Variants in RALGPS2 observed in about 807,000 individuals in gnomAD.
RALGPS2 encodes the protein ras-specific guanine nucleotide-releasing factor RalGPS2.
Under a neutral mutation model 86.8 loss-of-function variants are expected in RALGPS2, and 43 were observed. The observed-to-expected ratio is 0.50, with a 90% confidence interval of 0.39 to 0.64. The LOEUF (loss-of-function observed/expected upper bound fraction) is 0.64, where lower values mean the gene tolerates loss of function less well. Among genes scored for constraint, RALGPS2 ranks in the 30% least tolerant of loss-of-function variants. The pLI, the probability that RALGPS2 is intolerant of heterozygous loss-of-function variation, is 0.00. For synonymous variants in RALGPS2, 243 were observed against 231.3 expected (o/e 1.05, Z -0.46); for missense variants, 536 against 694.6 (o/e 0.77, Z 2.57).
In RALGPS2 at chr1:178,836,380, CT is replaced by C. The variant is rs112831596; in HGVS notation, c.607+2837del. 1.3e-3 allele frequency among the ~76,000 whole-genome samples: 199 copies of C among 152,272 alleles called. 2 individuals are homozygous for C. The highest frequency in any genetic ancestry group is 4.3e-3 in the African/African-American group (177 of 41,542). On this transcript the variant is annotated intron_variant, in intron 8 of 19. Transcript: ENST00000367635. Reference sequence around the variant, plus strand: ...TTCCCATCATCTCCAATGACTCCTTCTTTTTTTCAGTTCCCTTTCATTTTAT... The same window carrying C: ...TTCCCATCATCTCCAATGACTCCTTCTTTTTTCAGTTCCCTTTCATTTTAT...
intron 1 of RALGPS2, chr1:178,747,700 G>T: frequency 7.1e-7 from 1 of 1,414,712 alleles, no homozygotes; most frequent in South Asian, 1.2e-5. Flanking sequence ...TACAGCAGCT[G>T]CCAGCGATGC....
rs1472620214 is a variant in RALGPS2 at position 178,919,587 on chromosome 1, T to C, written c.*3228T>C. On this transcript the variant is annotated 3_prime_UTR_variant, in exon 20 of 20. Coordinates refer to ENST00000367635, the MANE Select transcript of RALGPS2 (RefSeq NM_152663.5). Reference sequence around the variant, plus strand: ...CTCAAAGAGCAGCCTGTTGATCTTTTGGCCAAATGACTTGAGCATAAGTCT... The same window carrying C: ...CTCAAAGAGCAGCCTGTTGATCTTTCGGCCAAATGACTTGAGCATAAGTCT... 1.3e-5 allele frequency: 2 copies of C among 152,054 alleles called. No individual in the cohort carries two copies. The highest frequency in any genetic ancestry group is 2.4e-5 in the African/African-American group (1 of 41,454). 9.4% of individuals were successfully genotyped at this position (152,054 alleles called of 1,614,324 possible).
chr1:178,852,362 A>G (rs756745282), intron 8 of RALGPS2, among the ~76,000 whole-genome samples: 11 of 152,148 alleles, frequency 7.2e-5, no homozygotes, highest in Non-Finnish European at 1.5e-4. Flanking sequence ...AGCACCTACA[A>G]CAGTGCCTGG....
In RALGPS2 at chr1:178,891,478, G is replaced by A. The variant is rs369627754; in HGVS notation, c.1248-752G>A. On this transcript the variant is annotated intron_variant, in intron 14 of 19. Transcript: ENST00000367635. The stretch of plus-strand genomic sequence containing the variant: ...AAATACATTGTTGTCTTTTTTTCTA[G>A]ACAGACATCAAATACATTGTTTAAG... Among the ~76,000 whole-genome samples, 185 of 152,016 alleles carry A rather than the reference G, an allele frequency of 1.2e-3. 1 individual carries two copies. The Middle Eastern group carries it at 0.024, about 20-fold the overall frequency.
chr1:178,761,874 TA>T (rs1652261928), intron 1 of RALGPS2, among the ~76,000 whole-genome samples: 2 of 152,168 alleles, frequency 1.3e-5, no homozygotes. Flanking sequence ...TTTTAAATTT[TA>T]TTTTATTTTA....
At chr1:178,774,246 GC>G (rs1299861791) in intron 1 of RALGPS2, among the ~76,000 whole-genome samples, 1 of 151,924 alleles carries the variant, frequency 6.6e-6, no homozygotes, top group African/African-American at 2.4e-5. Flanking sequence ...TTGCATGCCA[GC>G]CTGGGCAACA....
chr1:178,790,243 G>A lies in RALGPS2; in HGVS notation c.213+4636G>A, dbSNP rs111759365. Among the ~76,000 whole-genome samples the A allele has an allele frequency of 1.3e-3, 200 of 152,182 alleles. 2 individuals carry two copies. Among genetic ancestry groups the A allele is most frequent in the African/African-American group, 4.3e-3 (177 of 41,530 alleles). On this transcript the variant is annotated intron_variant, in intron 4 of 19. Coordinates refer to ENST00000367635, the MANE Select transcript of RALGPS2 (RefSeq NM_152663.5). ...CTGGGTTACAGGTGTGAGCCACTGC[G>A]CCCAGCCAATATATTCTTAATGTAT...
intron 4 of RALGPS2, among the ~76,000 whole-genome samples, chr1:178,794,289 G>T (rs908564884): frequency 6.6e-6 from 1 of 151,974 alleles, no homozygotes; most frequent in Non-Finnish European, 1.5e-5. Context: ...GCTAATTTTT[G>T]TATTTTTTGG....
intron 1 of RALGPS2, chr1:178,747,635 C>T: frequency 6.4e-7 from 1 of 1,558,474 alleles, no homozygotes; most frequent in Non-Finnish European, 8.8e-7. Context: ...ACTAAGCTGG[C>T]ATTAATATAA....
chr1:178,826,609 A>G lies in RALGPS2; in HGVS notation c.480+4905A>G, dbSNP rs112024961. Among the ~76,000 whole-genome samples, 193 of 152,290 alleles carry G rather than the reference A, an allele frequency of 1.3e-3. 2 individuals carry two copies. The highest frequency in any genetic ancestry group is 4.3e-3 in the African/African-American group (177 of 41,572). ...GGATATGGAGTTTCATTTTGAGAAGATGAAAAACTTTTGGATATGGATGTT... is the reference window on the plus strand; with the variant it reads ...GGATATGGAGTTTCATTTTGAGAAGGTGAAAAACTTTTGGATATGGATGTT... On this transcript the variant is annotated intron_variant, in intron 7 of 19. Transcript: ENST00000367635.
At chr1:178,763,681 G>C (rs1652359513) in intron 1 of RALGPS2, among the ~76,000 whole-genome samples, 1 of 152,022 alleles carries the variant, frequency 6.6e-6, no homozygotes, top group Non-Finnish European at 1.5e-5. Context: ...ACTGATTTTT[G>C]TACCTTTGTA....
At chr1:178,774,652 A>G (rs1023395473) in intron 1 of RALGPS2, among the ~76,000 whole-genome samples, 3 of 152,250 alleles carry the variant, frequency 2.0e-5, no homozygotes, top group African/African-American at 4.8e-5. Context: ...AATGAAGCTT[A>G]TAGAATAAGA....
At chr1:178,769,474 C>G (rs973359901) in intron 1 of RALGPS2, among the ~76,000 whole-genome samples, 1 of 152,006 alleles carries the variant, frequency 6.6e-6, no homozygotes, top group Non-Finnish European at 1.5e-5. Flanking sequence ...GGAGATCTGC[C>G]TGGGTATGAA....
At chr1:178,831,050 C>T (rs983145303) in intron 7 of RALGPS2, among the ~76,000 whole-genome samples, 1 of 151,732 alleles carries the variant, frequency 6.6e-6, no homozygotes, top group African/African-American at 2.4e-5. Flanking sequence ...AAAGTAATTG[C>T]CAAAGACTAA....
At chr1:178,797,030 C>A (rs1654224640) in intron 4 of RALGPS2, among the ~76,000 whole-genome samples, 1 of 152,026 alleles carries the variant, frequency 6.6e-6, no homozygotes, top group South Asian at 2.1e-4. Context: ...TTTCATTTAG[C>A]CTTTGCTAAA....
At chr1:178,755,500 G>T (rs563525250) in intron 1 of RALGPS2, among the ~76,000 whole-genome samples, 70 of 152,166 alleles carry the variant, frequency 4.6e-4, no homozygotes, top group Non-Finnish European at 9.6e-4. Context: ...CATCCATGTT[G>T]CTGCGAAGGA....
intron 1 of RALGPS2, among the ~76,000 whole-genome samples, chr1:178,728,592 T>G (rs1301818566): frequency 1.3e-5 from 2 of 152,144 alleles, no homozygotes; most frequent in Non-Finnish European, 2.9e-5. Flanking sequence ...AAGTTAATTT[T>G]CAATGAAAGA....
intron 18 of RALGPS2, among the ~76,000 whole-genome samples, chr1:178,905,357 T>C (rs1660349834): frequency 6.6e-6 from 1 of 150,644 alleles, no homozygotes; most frequent in Non-Finnish European, 1.5e-5. Flanking sequence ...CAAAATTTTA[T>C]GAAGTCTATC....
rs201774263 is a variant in RALGPS2, at chr1:178,776,966, T to TA, written c.57+146dup. 799 of 628,950 alleles carry TA rather than the reference T, an allele frequency of 1.3e-3. 19 individuals are homozygous for TA. In the East Asian group the frequency reaches 0.024, roughly 19 times the overall value. 39.0% of individuals were successfully genotyped at this position (628,950 alleles called of 1,614,324 possible). A position where few individuals can be genotyped will look rare whatever the true frequency, so the allele number is the denominator to read the frequency against. On this transcript the variant is annotated intron_variant, in intron 2 of 19. Transcript: ENST00000367635. ...TTTTTTTTTAAATTTTATTTTTTTTTATACTTTAAGTTTTAGGGTACATGT... is the reference window on the plus strand; with the variant it reads ...TTTTTTTTTAAATTTTATTTTTTTTTAATACTTTAAGTTTTAGGGTACATGT...
Sources: allele counts gnomAD v4.1 joint callset (sites outside exome capture counted in the v4.1 genomes callset), GRCh38; gene constraint gnomAD v4.1.1; transcripts MANE v1.5; gene names NCBI Gene and HGNC (gene_info 2026-07-23, HGNC 2026-07-21).